The following CHPF2 variants were observed in gnomAD, a reference collection of about 807,000 sequenced individuals.
CHPF2 encodes the protein chondroitin polymerizing factor 2, also known as chondroitin polymerizing factor 2, non-catalytic subunit.
A neutral mutation model predicts 63.0 loss-of-function variants in CHPF2; 58 were observed. The ratio of observed to expected loss-of-function variants is 0.92; its 90% CI spans 0.75 to 1.15. CHPF2 has a LOEUF of 1.15. Among genes scored for constraint, CHPF2 ranks in the 50% most tolerant of loss-of-function variants. The probability of loss-of-function intolerance (pLI) is 0.00; values close to 1 mark genes in which losing one functional copy is unlikely to be tolerated. For synonymous variants in CHPF2, 442 were observed against 438.0 expected (o/e 1.01, Z -0.11); for missense variants, 1,045 against 1,035.4 (o/e 1.01, Z -0.13).
At chr7:151,236,149 C>T (rs540719741) in intron 2 of CHPF2, among the ~76,000 whole-genome samples, 1 of 152,328 alleles carries the variant, frequency 6.6e-6, no homozygotes, top group African/African-American at 2.4e-5. Context: ...TCTGTGATGG[C>T]TCCTTGCAGA....
In CHPF2 at chr7:151,237,486, G is replaced by T; in HGVS notation, c.1124G>T (p.Trp375Leu). 1 of 1,614,028 alleles carries T rather than the reference G, an allele frequency of 6.2e-7. No individual in the cohort carries two copies. The change falls in exon 4 of 4, where the codon TGG becomes TTG. Residue 375 changes from tryptophan to leucine, a missense_variant. Physicochemically the swap from Trp to Leu is moderately conservative, Grantham distance 61 (BLOSUM62 -2). Transcript: ENST00000035307. ...TPHSRFEVLGWDYFTEQHTFS... is the reference protein window; with the variant it reads ...TPHSRFEVLGLDYFTEQHTFS... ...CACTCTCGCTTTGAGGTGCTGGGCTGGGACTACTTCACAGAGCAGCACACC... is the reference window on the plus strand; with the variant it reads ...CACTCTCGCTTTGAGGTGCTGGGCTTGGACTACTTCACAGAGCAGCACACC...
chr7:151,237,804 C>G lies in CHPF2; in HGVS notation c.1442C>G (p.Pro481Arg), dbSNP rs754014698. 6.2e-7 allele frequency: 1 copy of G among 1,612,702 alleles called. No individual in the cohort carries two copies. The highest frequency in any genetic ancestry group is 1.1e-5 in the South Asian group (1 of 91,088). Residue 481 changes from proline to arginine, a missense_variant, in exon 4 of 4, where the codon CCC (proline) becomes CGC (arginine). Transcript: ENST00000035307. ...PLSRVEILPM[P>R]YVTEATRVQL... is the part of the protein sequence containing the mutation. Reference sequence around the variant, plus strand: ...AGCCGGGTGGAAATCCTACCTATGCCCTATGTCACTGAGGCCACCCGAGTG... The same window carrying G: ...AGCCGGGTGGAAATCCTACCTATGCGCTATGTCACTGAGGCCACCCGAGTG...
rs1004818507 is a variant in CHPF2 at position 151,233,532 on chromosome 7, C to T, written c.-480C>T. On this transcript the variant is annotated 5_prime_UTR_variant, in exon 1 of 4. Transcript: ENST00000035307. ...AGAGGCAGGCATTCTTCCGGAAAGG[C>T]CCACTGAGGCAGGCTCCGGCTCCTC... The T allele has an allele frequency of 6.1e-6, 6 of 986,088 alleles. No homozygotes were observed. In the African/African-American group the frequency reaches 1.0e-4, roughly 17 times the overall value. 61.1% of individuals were successfully genotyped at this position (986,088 alleles called of 1,614,324 possible).
rs762032008 is a variant in CHPF2, at chr7:151,238,426, T to C, written c.2064T>C (p.Gly688=). The change falls in exon 4 of 4, where the codon GGT becomes GGC. Residue 688 remains glycine, a synonymous_variant. Coordinates refer to ENST00000035307, the MANE Select transcript of CHPF2 (RefSeq NM_019015.3). ...DYLAARARLA[G]ELAGQEEEEA... is the part of the protein sequence containing the mutation. ...TGGCGGCCCGAGCCCGGCTGGCAGG[T>C]GAACTGGCAGGCCAGGAAGAGGAGG... The C allele has an allele frequency of 6.3e-7, 1 of 1,593,112 alleles. No individual in the cohort carries two copies. Among genetic ancestry groups the C allele is most frequent in the Non-Finnish European group, 8.6e-7 (1 of 1,168,484 alleles).
chr7:151,237,716 T>C lies in CHPF2; in HGVS notation c.1354T>C (p.Cys452Arg). 1.9e-6 allele frequency: 3 copies of C among 1,612,922 alleles called. No individual in the cohort carries two copies. The highest frequency in any genetic ancestry group is 1.3e-5 in the African/African-American group (1 of 75,056). Residue 452 changes from cysteine to arginine, a missense_variant, in exon 4 of 4, where the codon TGT becomes CGT. Transcript: ENST00000035307. ...GTACACCCTGGACCTGCTGTTGGAA[T>C]GTGTGACACAGCGTGGGCACCGGCG... ...MEYTLDLLLECVTQRGHRRAL... is the reference protein window; with the variant it reads ...MEYTLDLLLERVTQRGHRRAL...
rs1802648712 is a variant in CHPF2, at chr7:151,236,389, G to C, written c.829-19G>C. 6.5e-7 allele frequency: 1 copy of C among 1,546,530 alleles called. No homozygotes were observed. The highest frequency in any genetic ancestry group is 8.8e-7 in the Non-Finnish European group (1 of 1,140,010). ...GCAGCTCTTGTGTGTGTCATTGATT[G>C]GTCTGATTGTCCCTCTAGGGGCAGC... is the stretch of plus-strand genomic sequence containing the variant. On this transcript the variant is annotated intron_variant, in intron 2 of 3. Coordinates refer to ENST00000035307, the MANE Select transcript of CHPF2 (RefSeq NM_019015.3).
Position 151,237,430 on chromosome 7 carries a change from G to C in CHPF2, c.1068G>C (p.Trp356Cys). Residue 356 changes from tryptophan to cysteine, a missense_variant, in exon 4 of 4, where the codon TGG (tryptophan) becomes TGC (cysteine). Transcript: ENST00000035307. ...CCGAAGGGGAGGCAGGGCTGAGCTG[G>C]CCCGTTGGGCTCCCTGCTCCTTTCA... is the stretch of plus-strand genomic sequence containing the variant. ...LTPEGEAGLS[W>C]PVGLPAPFTP... The C allele has an allele frequency of 6.2e-7, 1 of 1,612,522 alleles. No individual in the cohort carries two copies.
Position 151,235,142 on chromosome 7 carries a change from G to A in CHPF2, c.358G>A (p.Val120Met). ...TACACTGTCCACTTTGGCCGTGGCT[G>A]TGAACCGTACGGTGGCCCATCACTT... ...RATLSTLAVA[V>M]NRTVAHHFPR... Residue 120 changes from valine to methionine, a missense_variant, in exon 2 of 4, where the codon GTG (valine) becomes ATG (methionine). Coordinates refer to ENST00000035307, the MANE Select transcript of CHPF2 (RefSeq NM_019015.3). 3 of 1,612,658 alleles carry A rather than the reference G, an allele frequency of 1.9e-6. No homozygotes were observed. The highest frequency in any genetic ancestry group is 2.2e-5 in the South Asian group (2 of 90,926).
intron 3 of CHPF2, 40 bp from the exon 4 acceptor site, chr7:151,237,334 G>C: frequency 2.0e-6 from 3 of 1,506,780 alleles, no homozygotes; most frequent in East Asian, 2.3e-5. Flanking sequence ...GTAGGATCCT[G>C]GAGCTGGCAC....
rs190344239 is a variant in CHPF2 at position 151,236,604 on chromosome 7, G to A, written c.1011+14G>A. On this transcript the variant is annotated intron_variant, in intron 3 of 3. Coordinates refer to ENST00000035307, the MANE Select transcript of CHPF2 (RefSeq NM_019015.3). ...GAACAACTGCAGGTGAGCTGAAGAG[G>A]AGCAGGTGGGCAGAGGACCGCAGTC... 189 of 1,553,000 alleles carry A rather than the reference G, an allele frequency of 1.2e-4. No individual in the cohort carries two copies. Among genetic ancestry groups the A allele is most frequent in the Admixed American group, 2.1e-4 (11 of 53,302 alleles).
In CHPF2 at chr7:151,232,772, C is replaced by G. The variant is rs1442095679; in HGVS notation, c.-1240C>G. ...CCTGCGCTCGCGGCCTCGATGCTGT[C>G]TCTGGCGCGGCCTCCGCTCCCGCCG... On this transcript the variant is annotated 5_prime_UTR_variant, in exon 1 of 4. Coordinates refer to ENST00000035307, the MANE Select transcript of CHPF2 (RefSeq NM_019015.3). 1.3e-6 allele frequency: 2 copies of G among 1,505,878 alleles called. No individual in the cohort carries two copies. The highest frequency in any genetic ancestry group is 2.4e-5 in the South Asian group (2 of 81,836). The allele number at this position is 1,505,878 out of a possible 1,614,324, so 93.3% of individuals were successfully genotyped here.
chr7:151,234,832 C>T (rs1802582570), intron 1 of CHPF2, among the ~76,000 whole-genome samples: 2 of 150,664 alleles, frequency 1.3e-5, no homozygotes, highest in South Asian at 4.2e-4. Flanking sequence ...TGCATCTAAC[C>T]TACCTAATCT....
chr7:151,236,545 C>T lies in CHPF2; in HGVS notation c.966C>T (p.Ser322=), dbSNP rs148008987. 11 of 1,603,828 alleles carry T rather than the reference C, an allele frequency of 6.9e-6. No homozygotes were observed. Among genetic ancestry groups the T allele is most frequent in the Admixed American group, 1.7e-5 (1 of 59,406 alleles). ...TGTACCGGCTCCACAAACGCTTCAG[C>T]GCTCTGGAGTTGGAGCGGGCTTACA... The part of the protein sequence containing the change: ...TLMYRLHKRF[S]ALELERAYSE... Residue 322 remains serine, a synonymous_variant, in exon 3 of 4, where the codon AGC becomes AGT. Transcript: ENST00000035307.
intron 3 of CHPF2, chr7:151,236,855 C>A: frequency 3.4e-6 from 2 of 586,468 alleles, no homozygotes; most frequent in Non-Finnish European, 6.4e-6. Context: ...CTCTGAGGAT[C>A]AGGAAGCTCC....
rs372548409 is a variant in CHPF2, at chr7:151,237,273, T to C, written c.1012-101T>C. ...ACCCCTCACTAAGTGTTGATGGAGTTAGGACAGAGCTCAGCTGTTTGAATC... is the reference window on the plus strand; with the variant it reads ...ACCCCTCACTAAGTGTTGATGGAGTCAGGACAGAGCTCAGCTGTTTGAATC... On this transcript the variant is annotated intron_variant, in intron 3 of 3. Coordinates refer to ENST00000035307, the MANE Select transcript of CHPF2 (RefSeq NM_019015.3). The C allele has an allele frequency of 4.3e-5, 36 of 845,114 alleles. 1 individual carries two copies. The highest frequency in any genetic ancestry group is 4.0e-4 in the South Asian group (24 of 59,688). 52.4% of individuals were successfully genotyped at this position (845,114 alleles called of 1,614,324 possible). A position where few individuals can be genotyped will look rare whatever the true frequency, so the allele number is the denominator to read the frequency against.
rs933586013 is a variant in CHPF2, at chr7:151,238,247, G to A, written c.1885G>A (p.Ala629Thr). The A allele has an allele frequency of 1.2e-6, 2 of 1,612,740 alleles. No homozygotes were observed. Among genetic ancestry groups the A allele is most frequent in the African/African-American group, 2.7e-5 (2 of 75,052 alleles). Residue 629 changes from alanine to threonine, a missense_variant, in exon 4 of 4, where the codon GCC (alanine) becomes ACC (threonine). Coordinates refer to ENST00000035307, the MANE Select transcript of CHPF2 (RefSeq NM_019015.3). ...AGTCCATTTCCAGGAGTTCAATCCTGCCCTGTCACCACAGAGATCACCCCC... is the reference window on the plus strand; with the variant it reads ...AGTCCATTTCCAGGAGTTCAATCCTACCCTGTCACCACAGAGATCACCCCC... ...FPVHFQEFNPALSPQRSPPGP... is the reference protein window; with the variant it reads ...FPVHFQEFNPTLSPQRSPPGP...
At position 151,238,079 on chromosome 7, in the gene CHPF2, C is replaced by G. The variant is rs187198605; in HGVS notation, c.1717C>G (p.Gln573Glu). The change falls in exon 4 of 4, where the codon CAG (glutamine) becomes GAG (glutamate). Residue 573 changes from glutamine (Q) to glutamate (E), a missense_variant. Gln to Glu is a conservative substitution (Grantham distance 29, BLOSUM62 2). Coordinates refer to ENST00000035307, the MANE Select transcript of CHPF2 (RefSeq NM_019015.3). Reference protein sequence around the residue: ...WLAVRAEAPSQVRLMDVVSKK... With the variant: ...WLAVRAEAPSEVRLMDVVSKK... ...CGCTGTGCGAGCAGAGGCCCCTTCC[C>G]AGGTGCGACTCATGGACGTGGTCTC... 1.2e-6 allele frequency: 2 copies of G among 1,612,418 alleles called. No individual in the cohort carries two copies. The highest frequency in any genetic ancestry group is 1.7e-6 in the Non-Finnish European group (2 of 1,180,010).
At position 151,234,058 on chromosome 7, in the gene CHPF2, T is replaced by C; in HGVS notation, c.47T>C (p.Leu16Pro). ...GCTCTGCTGCGGCCAGCGCTTCCCC[T>C]CATCTTAGGGCTGTCTCTGGGGTGC... The part of the protein sequence containing the change: ...LLALLRPALP[L>P]ILGLSLGCSL... Residue 16 changes from leucine to proline, a missense_variant, in exon 1 of 4, where the codon CTC becomes CCC. By Grantham distance (98) the Leu-to-Pro change is moderately conservative. Transcript: ENST00000035307. The C allele has an allele frequency of 6.4e-7, 1 of 1,572,310 alleles. No individual in the cohort carries two copies. Among genetic ancestry groups the C allele is most frequent in the Non-Finnish European group, 8.6e-7 (1 of 1,159,638 alleles).
Position 151,233,790 on chromosome 7 carries a change from G to A in CHPF2, c.-222G>A, listed in dbSNP as rs1338207583. The stretch of plus-strand genomic sequence containing the variant: ...ACCGTTTTGGCTGGGGGTTAGTTCC[G>A]ACACCTTCACAGTTGAAGAGCAGGC... On this transcript the variant is annotated 5_prime_UTR_variant, in exon 1 of 4. Transcript: ENST00000035307. The A allele has an allele frequency of 4.1e-6, 5 of 1,233,680 alleles. No individual in the cohort carries two copies. Among genetic ancestry groups the A allele is most frequent in the East Asian group, 3.2e-5 (1 of 31,184 alleles). The allele number at this position is 1,233,680 out of a possible 1,614,324, so 76.4% of individuals were successfully genotyped here.
Sources: gnomAD v4.1 joint callset for allele counts (sites outside exome capture counted in the v4.1 genomes callset) on GRCh38, gnomAD v4.1.1 for gene constraint, MANE v1.5 for transcripts, NCBI Gene and HGNC (gene_info 2026-07-23, HGNC 2026-07-21) for gene names.